MCC: variants seen among roughly 807,000 people sequenced by gnomAD.
MCC encodes colorectal mutant cancer protein.
In MCC, 90 loss-of-function variants were observed where a neutral mutation model predicts 116.2. That is an observed-to-expected ratio of 0.77 (90% CI 0.65 to 0.92). The LOEUF (loss-of-function observed/expected upper bound fraction) is 0.92. Ranked by LOEUF, MCC falls within the 40% of genes least tolerant of loss-of-function variation. The pLI is 0.00. For missense variants in MCC, 1,516 were observed against 1,312.2 expected, an observed-to-expected ratio of 1.16 and a Z score of -2.40; for synonymous variants, 578 against 510.5, an observed-to-expected ratio of 1.13 and a Z score of -1.78.
chr5:113,439,041 C>A (rs1001693537), intron 1 of MCC, among the ~76,000 whole-genome samples: 1 of 152,054 alleles, frequency 6.6e-6, no homozygotes, highest in Non-Finnish European at 1.5e-5. Context: ...GTTCCTGAAA[C>A]CAAAGGACAC....
At chr5:113,392,118 C>G (rs1303715721) in intron 1 of MCC, among the ~76,000 whole-genome samples, 2 of 151,962 alleles carry the variant, frequency 1.3e-5, no homozygotes, top group African/African-American at 2.4e-5. Context: ...GTAATCCCAG[C>G]TACTTGGGAG....
chr5:113,045,294 T>C (rs1293159523), intron 16 of MCC, among the ~76,000 whole-genome samples: 2 of 152,124 alleles, frequency 1.3e-5, no homozygotes, highest in African/African-American at 4.8e-5. Context: ...GCTGTGCTAG[T>C]TGGAGGGAAG....
chr5:113,444,754 G>C (rs1289297836), intron 1 of MCC, among the ~76,000 whole-genome samples: 3 of 152,106 alleles, frequency 2.0e-5, no homozygotes, highest in African/African-American at 7.2e-5. Context: ...TTTTAGTTTA[G>C]TGGTTCATTT....
chr5:113,281,988 T>C (rs1475857667), intron 3 of MCC, among the ~76,000 whole-genome samples: 2 of 152,208 alleles, frequency 1.3e-5, no homozygotes, highest in African/African-American at 4.8e-5. Context: ...ATAATCACTA[T>C]ATGGGTTATG....
intron 3 of MCC, among the ~76,000 whole-genome samples, chr5:113,180,170 T>A (rs770648766): frequency 6.6e-6 from 1 of 152,160 alleles, no homozygotes; most frequent in Non-Finnish European, 1.5e-5. Context: ...CACGGGCCCA[T>A]CTCTACTACT....
chr5:113,046,786 C>G (rs1459617196), intron 16 of MCC, among the ~76,000 whole-genome samples: 1 of 149,510 alleles, frequency 6.7e-6, no homozygotes, highest in Non-Finnish European at 1.5e-5. Context: ...AACCCAGATA[C>G]AGTACCGCAT....
At chr5:113,414,199 A>G (rs553067058) in intron 1 of MCC, among the ~76,000 whole-genome samples, 1 of 152,288 alleles carries the variant, frequency 6.6e-6, no homozygotes, top group Admixed American at 6.5e-5. Flanking sequence ...TATGTGGTCA[A>G]TTTTGGAATA....
chr5:113,201,213 C>A (rs1184633757), intron 3 of MCC, among the ~76,000 whole-genome samples: 1 of 151,940 alleles, frequency 6.6e-6, no homozygotes, highest in African/African-American at 2.4e-5. Flanking sequence ...CGGAGAAACC[C>A]CATCTCTACT....
chr5:113,367,015 C>G (rs373431004), intron 2 of MCC, among the ~76,000 whole-genome samples: 2 of 152,062 alleles, frequency 1.3e-5, no homozygotes, highest in Non-Finnish European at 2.9e-5. Context: ...GTTGCCCAGA[C>G]TGGTCTCGAA....
At chr5:113,038,768 C>T (rs2150212092) in intron 17 of MCC, among the ~76,000 whole-genome samples, 1 of 152,268 alleles carries the variant, frequency 6.6e-6, no homozygotes, top group South Asian at 2.1e-4. Flanking sequence ...ACCCTGTCTT[C>T]CAGCAGTGGC....
intron 3 of MCC, among the ~76,000 whole-genome samples, chr5:113,194,312 A>T (rs1392442175): frequency 6.6e-6 from 1 of 152,174 alleles, no homozygotes; most frequent in Non-Finnish European, 1.5e-5. Flanking sequence ...CGTCTGTTGA[A>T]TCAGTTAAAG....
At chr5:113,179,930 T>C (rs1761525974) in intron 3 of MCC, among the ~76,000 whole-genome samples, 1 of 152,204 alleles carries the variant, frequency 6.6e-6, no homozygotes, top group Non-Finnish European at 1.5e-5. Context: ...TCAAGAGACA[T>C]ACATACCTAA....
Position 113,416,100 on chromosome 5 carries a change from G to T in MCC, c.171-30888C>A, listed in dbSNP as rs1175345798. Among the ~76,000 whole-genome samples, 70 of 152,180 alleles carry T rather than the reference G, an allele frequency of 4.6e-4. 2 individuals carry two copies. Among genetic ancestry groups the T allele is most frequent in the Admixed American group, 4.6e-3 (70 of 15,272 alleles). On this transcript the variant is annotated intron_variant, in intron 1 of 18. Transcript: ENST00000408903. ...TGTTTGCCTGGATATCACCAGCAGA[G>T]GCTCAGTTGGAAATGCAGAAATCAC... is the stretch of plus-strand genomic sequence containing the variant.
chr5:113,297,841 G>T (rs1246924013), intron 3 of MCC, among the ~76,000 whole-genome samples: 1 of 151,900 alleles, frequency 6.6e-6, no homozygotes, highest in East Asian at 1.9e-4. Flanking sequence ...GAGAAAACAG[G>T]AGAGCTTAAA....
intron 9 of MCC, 47 bp downstream of exon 9, chr5:113,085,116 GA>G (rs1561794339): frequency 6.2e-7 from 1 of 1,612,570 alleles, no homozygotes; most frequent in African/African-American, 1.3e-5. Flanking sequence ...GGTGCTTCCA[GA>G]TAACAGGAGG....
chr5:113,393,137 G>A (rs922921506), intron 1 of MCC, among the ~76,000 whole-genome samples: 2 of 152,130 alleles, frequency 1.3e-5, no homozygotes, highest in African/African-American at 4.8e-5. Flanking sequence ...AGAGGTGAGA[G>A]AGGGAGAAGA....
At chr5:113,073,687 A>C in intron 11 of MCC, among the ~76,000 whole-genome samples, 1 of 148,352 alleles carries the variant, frequency 6.7e-6, no homozygotes, top group East Asian at 2.0e-4. Context: ...AATCCATCTC[A>C]ATGTAAGCCT....
chr5:113,055,775 G>A (rs1052193202), intron 14 of MCC, among the ~76,000 whole-genome samples: 16 of 152,218 alleles, frequency 1.1e-4, no homozygotes, highest in Non-Finnish European at 1.6e-4. Flanking sequence ...GCATTGCTGC[G>A]AAGGTGTTTG....
At chr5:113,344,200 A>G (rs1034944222) in intron 2 of MCC, among the ~76,000 whole-genome samples, 2 of 152,128 alleles carry the variant, frequency 1.3e-5, no homozygotes, top group Non-Finnish European at 2.9e-5. Flanking sequence ...AACTGTGAAG[A>G]CCTCAGTCAT....
Sources: allele counts gnomAD v4.1 joint callset (sites outside exome capture counted in the v4.1 genomes callset), GRCh38; gene constraint gnomAD v4.1.1; transcripts MANE v1.5; gene names NCBI Gene and HGNC (gene_info 2026-07-23, HGNC 2026-07-21).